The following JAM2 variants were observed in gnomAD, a reference collection of about 807,000 sequenced individuals.
JAM2 encodes the protein junctional adhesion molecule B.
A neutral mutation model predicts 42.0 loss-of-function variants in JAM2; 17 were observed. The observed-to-expected ratio is 0.40, with a 90% confidence interval of 0.28 to 0.61. The LOEUF is 0.61. JAM2 is among the 20% of genes least tolerant of loss of function. JAM2 has a pLI of 0.37. For missense variants in JAM2, 319 were observed against 358.3 expected (o/e 0.89, Z 0.89); for synonymous variants, 118 against 128.6 (o/e 0.92, Z 0.56).
chr21:25,642,751 C>T (rs2032481254), intron 1 of JAM2, among the ~76,000 whole-genome samples: 1 of 152,190 alleles, frequency 6.6e-6, no homozygotes, highest in Non-Finnish European at 1.5e-5. Context: ...CAGTGCTGAG[C>T]AAAGTTCCTG....
chr21:25,677,723 T>C (rs2033532222), intron 1 of JAM2, among the ~76,000 whole-genome samples: 1 of 152,192 alleles, frequency 6.6e-6, no homozygotes, highest in Admixed American at 6.5e-5. Context: ...GCCCCGAGGT[T>C]TTCCTCGACT....
At chr21:25,664,879 A>G (rs2409148) in intron 1 of JAM2, among the ~76,000 whole-genome samples, 8,389 of 152,302 alleles carry the variant, frequency 0.055, 255 homozygotes, top group Middle Eastern at 0.092. Flanking sequence ...CTTTATCACC[A>G]TGGAATCTGT....
At chr21:25,693,097 G>A (rs1056498565) in intron 3 of JAM2, among the ~76,000 whole-genome samples, 2 of 152,128 alleles carry the variant, frequency 1.3e-5, no homozygotes, top group African/African-American at 4.8e-5. Context: ...CTGCTTAACT[G>A]ACAGTTATTA....
At position 25,688,008 on chromosome 21, in the gene JAM2, T is replaced by A. The variant is rs149145258; in HGVS notation, c.134-1858T>A. 3.3e-3 allele frequency among the ~76,000 whole-genome samples: 505 copies of A among 152,364 alleles called. 3 individuals carry two copies. Among genetic ancestry groups the A allele is most frequent in the African/African-American group, 0.012 (489 of 41,594 alleles). ...TGTAAGATCCCAAAGGGCAAGGATC[T>A]TTGTTTCGTTCACTGATACAGCTCA... is the stretch of plus-strand genomic sequence containing the variant. On this transcript the variant is annotated intron_variant, in intron 2 of 9. Transcript: ENST00000480456.
In JAM2 at chr21:25,681,981, C is replaced by CA. The variant is rs901569207; in HGVS notation, c.68-1894dup. Reference sequence around the variant, plus strand: ...TGGGTGACAGAGCGAGACTCCGTCTCAAAAAAAAGAAAAAAAGAATTGCTT... The same window carrying CA: ...TGGGTGACAGAGCGAGACTCCGTCTCAAAAAAAAAGAAAAAAAGAATTGCTT... On this transcript the variant is annotated intron_variant, in intron 1 of 9. Transcript: ENST00000480456. Among the ~76,000 whole-genome samples, 242 of 151,352 alleles carry CA rather than the reference C, an allele frequency of 1.6e-3. No individual in the cohort carries two copies. In the Middle Eastern group the frequency reaches 0.017, roughly 11 times the overall value.
chr21:25,689,910 A>G lies in JAM2; in HGVS notation c.178A>G (p.Arg60Gly), dbSNP rs748765888. 1 of 1,613,742 alleles carries G rather than the reference A, an allele frequency of 6.2e-7. No individual in the cohort carries two copies. Among genetic ancestry groups the G allele is most frequent in the African/African-American group, 1.3e-5 (1 of 74,948 alleles). The change falls in exon 3 of 10, where the codon AGA becomes GGA. Residue 60 changes from arginine to glycine, a missense_variant. Arg to Gly is a moderately radical substitution (Grantham distance 125). Coordinates refer to ENST00000480456, the MANE Select transcript of JAM2 (RefSeq NM_021219.4). ...CKTPKKTVSS[R>G]LEWKKLGRSV... Reference sequence around the variant, plus strand: ...AACCCCAAAGAAGACTGTTTCCTCCAGATTAGAGTGGAAGAAACTGGGTCG... The same window carrying G: ...AACCCCAAAGAAGACTGTTTCCTCCGGATTAGAGTGGAAGAAACTGGGTCG...
At chr21:25,689,236 A>T (rs2033822733) in intron 2 of JAM2, among the ~76,000 whole-genome samples, 1 of 152,226 alleles carries the variant, frequency 6.6e-6, no homozygotes, top group African/African-American at 2.4e-5. Context: ...GGTAAAAATC[A>T]ATGATTTATT....
chr21:25,681,145 A>C (rs1249634969), intron 1 of JAM2, among the ~76,000 whole-genome samples: 3 of 152,246 alleles, frequency 2.0e-5, no homozygotes, highest in African/African-American at 7.2e-5. Context: ...TTAGATTTTC[A>C]TGATAGGCTT....
At chr21:25,674,371 G>A (rs114527807) in intron 1 of JAM2, among the ~76,000 whole-genome samples, 3,211 of 151,958 alleles carry the variant, frequency 0.021, 115 homozygotes, top group African/African-American at 0.073. Context: ...CTCTACCCTC[G>A]GTGACAGAGC....
chr21:25,658,781 T>C (rs1361299981), intron 1 of JAM2, among the ~76,000 whole-genome samples: 1 of 152,210 alleles, frequency 6.6e-6, no homozygotes, highest in Non-Finnish European at 1.5e-5. Context: ...TTATTTTACT[T>C]AATTCTCATG....
intron 1 of JAM2, among the ~76,000 whole-genome samples, chr21:25,662,526 T>C (rs908056100): frequency 2.6e-5 from 4 of 152,162 alleles, no homozygotes; most frequent in African/African-American, 9.7e-5. Flanking sequence ...TGATCATAGC[T>C]CACTGTAGCC....
At chr21:25,697,963 GCTCT>G (rs1180258857) in intron 4 of JAM2, among the ~76,000 whole-genome samples, 23 of 143,762 alleles carry the variant, frequency 1.6e-4, no homozygotes, top group African/African-American at 5.1e-4. Context: ...TCTCTCTCTC[GCTCT>G]CTCTCACACA....
At chr21:25,668,579 C>T (rs528263477) in intron 1 of JAM2, among the ~76,000 whole-genome samples, 30 of 152,254 alleles carry the variant, frequency 2.0e-4, no homozygotes, top group Middle Eastern at 3.4e-3. Flanking sequence ...AATTGAGTTG[C>T]CATCATCTGA....
intron 7 of JAM2, among the ~76,000 whole-genome samples, chr21:25,708,789 A>C (rs1283682118): frequency 6.6e-6 from 1 of 152,142 alleles, no homozygotes; most frequent in East Asian, 1.9e-4. Context: ...GTTAGTAAAA[A>C]AATTTTCCTA....
intron 1 of JAM2, among the ~76,000 whole-genome samples, chr21:25,670,115 T>TA (rs1462940078): frequency 1.3e-5 from 2 of 152,186 alleles, no homozygotes; most frequent in African/African-American, 4.8e-5. Flanking sequence ...TTACGACAAT[T>TA]AGACTTTTGC....
intron 2 of JAM2, among the ~76,000 whole-genome samples, chr21:25,687,230 G>T (rs2033770444): frequency 6.7e-6 from 1 of 149,738 alleles, no homozygotes; most frequent in Admixed American, 6.7e-5. Flanking sequence ...TATGTAAGGT[G>T]GTGCCATGTG....
chr21:25,688,719 A>G (rs1417733168), intron 2 of JAM2, among the ~76,000 whole-genome samples: 1 of 152,074 alleles, frequency 6.6e-6, no homozygotes, highest in Non-Finnish European at 1.5e-5. Flanking sequence ...CCATTTTTGT[A>G]TGTCCAGCAA....
intron 9 of JAM2, 191 bp from the exon 10 acceptor site, chr21:25,714,449 G>T: frequency 2.0e-6 from 1 of 507,806 alleles, no homozygotes. Context: ...AGTGAGCTGA[G>T]ATCACGCCAC....
At chr21:25,691,125 C>T (rs1482797400) in intron 3 of JAM2, among the ~76,000 whole-genome samples, 5 of 152,134 alleles carry the variant, frequency 3.3e-5, no homozygotes, top group African/African-American at 1.2e-4. Flanking sequence ...TACAATTTTA[C>T]AAGTTAAAAT....
Sources: gnomAD v4.1 joint callset for allele counts (sites outside exome capture counted in the v4.1 genomes callset) on GRCh38, gnomAD v4.1.1 for gene constraint, MANE v1.5 for transcripts, NCBI Gene and HGNC (gene_info 2026-07-23, HGNC 2026-07-21) for gene names.